DYNC2LI1: variants seen among roughly 807,000 people sequenced by gnomAD.
DYNC2LI1 encodes cytoplasmic dynein 2 light intermediate chain 1.
Under a neutral mutation model 51.9 loss-of-function variants are expected in DYNC2LI1, and 45 were observed. That is an observed-to-expected ratio of 0.87 (90% CI 0.68 to 1.11). DYNC2LI1 has a LOEUF of 1.11. DYNC2LI1 is among the 50% of genes most tolerant of loss of function. DYNC2LI1 has a pLI of 0.00. For synonymous variants in DYNC2LI1, 130 were observed against 137.8 expected, an observed-to-expected ratio of 0.94 and a Z score of 0.40; for missense variants, 490 against 417.4, an observed-to-expected ratio of 1.17 and a Z score of -1.51.
the DYNC2LI1 span, chr2:43,822,710 T>C: frequency 3.4e-5 from 50 of 1,451,912 alleles, no homozygotes; most frequent in African/African-American, 8.3e-4. Flanking sequence ...AGCAGAGAAC[T>C]TCACCCTGGA....
At chr2:43,821,395 C>T in the DYNC2LI1 span, among the ~76,000 whole-genome samples, 7 of 152,190 alleles carry the variant, frequency 4.6e-5, no homozygotes, top group Non-Finnish European at 8.8e-5. Flanking sequence ...ATGGCTCCAG[C>T]TACCTAATCT....
At chr2:43,777,020 G>C in intron 2 of DYNC2LI1, 121 bp downstream of exon 2, 1 of 525,420 alleles carries the variant, frequency 1.9e-6, no homozygotes, top group Non-Finnish European at 3.4e-6. Context: ...ATCTGGTTTA[G>C]CATGAATTAA....
In DYNC2LI1 at chr2:43,809,969, A is replaced by AT. The variant is rs578182294; in HGVS notation, c.*210dup. 2.2e-5 allele frequency: 28 copies of AT among 1,273,914 alleles called. No homozygotes were observed. The highest frequency in any genetic ancestry group is 3.7e-5 in the Admixed American group (1 of 27,092). 78.9% of individuals were successfully genotyped at this position (1,273,914 alleles called of 1,614,324 possible). ...AAAAATTATTGTAGAACCACGTGTA[A>AT]TTTTTTTTAAAATAAAAGAATCTTC... On this transcript the variant is annotated 3_prime_UTR_variant, in exon 13 of 13. Coordinates refer to ENST00000260605, the MANE Select transcript of DYNC2LI1 (RefSeq NM_016008.4).
intron 12 of DYNC2LI1, among the ~76,000 whole-genome samples, chr2:43,805,917 T>C (rs974280532): frequency 2.0e-5 from 3 of 151,692 alleles, no homozygotes; most frequent in African/African-American, 7.3e-5. Context: ...AGTCTCACAC[T>C]GTCGCCCAGG....
At position 43,779,054 on chromosome 2, in the gene DYNC2LI1, G is replaced by A. The variant is rs543827072; in HGVS notation, c.126+2155G>A. Among the ~76,000 whole-genome samples, 8 of 152,064 alleles carry A rather than the reference G, an allele frequency of 5.3e-5. No individual in the cohort carries two copies. The South Asian group carries it at 1.5e-3, about 28-fold the overall frequency. ...ATGGATTGCTTGAGCCCAGGAGTTC[G>A]AGACCAACCTAGGCAACGTGGCAAA... On this transcript the variant is annotated intron_variant, in intron 2 of 12. Coordinates refer to ENST00000260605, the MANE Select transcript of DYNC2LI1 (RefSeq NM_016008.4).
chr2:43,821,476 G>A, the DYNC2LI1 span, among the ~76,000 whole-genome samples: 1,042 of 152,242 alleles, frequency 6.8e-3, 14 homozygotes, highest in African/African-American at 0.023. Flanking sequence ...CAGAGTCTGA[G>A]GACACCCTCT....
intron 3 of DYNC2LI1, among the ~76,000 whole-genome samples, chr2:43,786,481 C>G (rs976381113): frequency 6.6e-6 from 1 of 152,020 alleles, no homozygotes; most frequent in East Asian, 1.9e-4. Flanking sequence ...CATGCCTGGC[C>G]AAGTCTTGCA....
At chr2:43,820,130 C>G in the DYNC2LI1 span, 1 of 1,603,404 alleles carries the variant, frequency 6.2e-7, no homozygotes, top group South Asian at 1.1e-5. Context: ...TTAGTTTCCT[C>G]TCCAAGGGCT....
chr2:43,814,795 A>T (rs1046870553), downstream of DYNC2LI1, among the ~76,000 whole-genome samples: 5 of 152,202 alleles, frequency 3.3e-5, no homozygotes, highest in African/African-American at 1.2e-4. Context: ...TATTGTTAAC[A>T]TTTTGGTAAT....
chr2:43,778,124 A>T (rs1351832284), intron 2 of DYNC2LI1, among the ~76,000 whole-genome samples: 1 of 152,208 alleles, frequency 6.6e-6, no homozygotes, highest in Non-Finnish European at 1.5e-5. Context: ...TTTATATTTT[A>T]AAATTTTAAC....
intron 3 of DYNC2LI1, among the ~76,000 whole-genome samples, chr2:43,785,398 T>C (rs1038040659): frequency 6.6e-6 from 1 of 151,918 alleles, no homozygotes; most frequent in African/African-American, 2.4e-5. Context: ...TGGATGAACC[T>C]TGAGGCATTA....
downstream of DYNC2LI1, chr2:43,810,568 T>C (rs1666446175): frequency 1.0e-6 from 1 of 957,102 alleles, no homozygotes; most frequent in Non-Finnish European, 1.2e-6. Flanking sequence ...TTCTATGTTC[T>C]TCCATGTCCA....
At chr2:43,800,503 T>C (rs1206961864) in intron 8 of DYNC2LI1, among the ~76,000 whole-genome samples, 1 of 152,128 alleles carries the variant, frequency 6.6e-6, no homozygotes, top group Non-Finnish European at 1.5e-5. Flanking sequence ...AATGAGTATG[T>C]TTACACACAT....
rs373318313 is a variant in DYNC2LI1, at chr2:43,800,862, C to G, written c.676C>G (p.Leu226Val). The change falls in exon 9 of 13, where the codon CTA becomes GTA. Residue 226 changes from leucine (L) to valine (V), a missense_variant. Physicochemically the swap from Leu to Val is conservative, Grantham distance 32. Transcript: ENST00000260605. ...SLMFTSKSEA[L>V]LLKIRGVINQ... ...AAAGTTTACCAGTAAATCAGAAGCT[C>G]TATTACTAAAAATACGTGGAGTTAT... The G allele has an allele frequency of 6.2e-6, 10 of 1,600,406 alleles. No individual in the cohort carries two copies. In the African/African-American group the frequency reaches 1.1e-4, roughly 17 times the overall value.
chr2:43,816,145 G>A, the DYNC2LI1 span, among the ~76,000 whole-genome samples: 1 of 152,194 alleles, frequency 6.6e-6, no homozygotes, highest in South Asian at 2.1e-4. Flanking sequence ...GATTTGGTGA[G>A]TGATGCAGTG....
chr2:43,776,748 T>C lies in DYNC2LI1; in HGVS notation c.9-34T>C, dbSNP rs1673040901. 6 of 932,688 alleles carry C rather than the reference T, an allele frequency of 6.4e-6. No individual in the cohort carries two copies. The East Asian group carries it at 1.3e-4, about 20-fold the overall frequency. 57.8% of individuals were successfully genotyped at this position (932,688 alleles called of 1,614,324 possible). A position where few individuals can be genotyped will look rare whatever the true frequency, so the allele number is the denominator to read the frequency against. Reference sequence around the variant, plus strand: ...AATAAATATTTGAAAGAATTCTTTTTCCCTCAATTTTGTTTTTTCTGCCTC... The same window carrying C: ...AATAAATATTTGAAAGAATTCTTTTCCCCTCAATTTTGTTTTTTCTGCCTC... On this transcript the variant is annotated intron_variant, in intron 1 of 12. Transcript: ENST00000260605.
chr2:43,823,933 A>C, the DYNC2LI1 span: 3 of 1,614,076 alleles, frequency 1.9e-6, no homozygotes, highest in South Asian at 2.2e-5. Flanking sequence ...AGCGTTCAGC[A>C]TGCCTGTGTA....
the DYNC2LI1 span, among the ~76,000 whole-genome samples, chr2:43,819,702 G>C: frequency 6.6e-6 from 1 of 152,116 alleles, no homozygotes; most frequent in African/African-American, 2.4e-5. Flanking sequence ...AAACTTGTTA[G>C]TTCCTGATTC....
the DYNC2LI1 span, among the ~76,000 whole-genome samples, chr2:43,815,046 C>G: frequency 2.0e-5 from 3 of 152,078 alleles, no homozygotes; most frequent in East Asian, 5.8e-4. Context: ...CTGATATAAA[C>G]GTACAAGAAA....
Sources: allele counts gnomAD v4.1 joint callset (sites outside exome capture counted in the v4.1 genomes callset), GRCh38; gene constraint gnomAD v4.1.1; transcripts MANE v1.5; gene names NCBI Gene and HGNC (gene_info 2026-07-23, HGNC 2026-07-21).